The following ANK3 variants were observed in gnomAD, a reference collection of about 807,000 sequenced individuals.
ANK3 encodes ankyrin-3.
Under a neutral mutation model 370.9 loss-of-function variants are expected in ANK3, and 57 were observed. That is an observed-to-expected ratio of 0.15 (90% CI 0.12 to 0.19). ANK3 has a LOEUF of 0.19. ANK3 is among the 10% of genes least tolerant of loss of function. The probability of loss-of-function intolerance (pLI) is 1.00; values close to 1 mark genes in which losing one functional copy is unlikely to be tolerated. For synonymous variants in ANK3, 1,929 were observed against 1,946.3 expected (o/e 0.99, Z 0.23); for missense variants, 4,439 against 5,302.1 (o/e 0.84, Z 5.06).
At chr10:60,255,778 T>TA (rs1242727790) in intron 7 of ANK3, among the ~76,000 whole-genome samples, 1 of 152,170 alleles carries the variant, frequency 6.6e-6, no homozygotes, top group Non-Finnish European at 1.5e-5. Context: ...ATTGAGCACT[T>TA]AAAATGCTCT....
At chr10:60,063,366 C>CT (rs2080992431) in intron 39 of ANK3, 112 bp from the exon 40 acceptor site, 1 of 1,020,936 alleles carries the variant, frequency 9.8e-7, no homozygotes, top group South Asian at 1.8e-5. Context: ...TTAGCTCCTT[C>CT]TTACTCCATC....
At chr10:60,528,741 T>A (rs1398148478) in intron 2 of ANK3, among the ~76,000 whole-genome samples, 1 of 152,044 alleles carries the variant, frequency 6.6e-6, no homozygotes, top group Non-Finnish European at 1.5e-5. Context: ...TTCCTAGATG[T>A]CTGTAGCACC....
At position 60,028,589 on chromosome 10, in the gene ANK3, T is replaced by C. The variant is rs1306047558; in HGVS notation, c.*1257A>G. 1 of 152,620 alleles carries C rather than the reference T, an allele frequency of 6.6e-6. No homozygotes were observed. The highest frequency in any genetic ancestry group is 6.5e-5 in the Admixed American group (1 of 15,276). 9.5% of individuals were successfully genotyped at this position (152,620 alleles called of 1,614,324 possible). A position where few individuals can be genotyped will look rare whatever the true frequency, so the allele number is the denominator to read the frequency against. On this transcript the variant is annotated 3_prime_UTR_variant, in exon 44 of 44. Coordinates refer to ENST00000280772, the MANE Select transcript of ANK3 (RefSeq NM_020987.5). ...AATGCCCTTTAAAACACAGCAGCCT[T>C]ATTAACCTAATATGACACTGCTAGA... is the stretch of plus-strand genomic sequence containing the variant.
intron 1 of ANK3, among the ~76,000 whole-genome samples, chr10:60,332,999 A>T (rs1017671333): frequency 3.3e-5 from 5 of 152,216 alleles, no homozygotes; most frequent in Non-Finnish European, 5.9e-5. Flanking sequence ...GTACACATAT[A>T]TACCCTTTTC....
At chr10:60,581,456 G>A (rs964374744) in intron 2 of ANK3, among the ~76,000 whole-genome samples, 13 of 135,928 alleles carry the variant, frequency 9.6e-5, no homozygotes, top group East Asian at 8.5e-4. Flanking sequence ...ACAGAGTCTC[G>A]CTTTGTCGCC....
chr10:60,341,229 T>C (rs534475784), intron 1 of ANK3, among the ~76,000 whole-genome samples: 28 of 152,304 alleles, frequency 1.8e-4, no homozygotes, highest in African/African-American at 6.5e-4. Context: ...GTATAAAAAA[T>C]GAATCAAAGC....
intron 25 of ANK3, among the ~76,000 whole-genome samples, chr10:60,119,628 C>T (rs983036467): frequency 3.3e-5 from 5 of 151,906 alleles, no homozygotes; most frequent in East Asian, 1.9e-4. Flanking sequence ...GAAAACTAGA[C>T]GGGTGTGGTG....
intron 8 of ANK3, among the ~76,000 whole-genome samples, chr10:60,222,862 T>C (rs1392551854): frequency 6.6e-6 from 1 of 152,226 alleles, no homozygotes; most frequent in Admixed American, 6.5e-5. Context: ...AGCAGAGCAT[T>C]TCTTTGAAAT....
Position 60,072,653 on chromosome 10 carries a change from T to A in ANK3, c.8228A>T (p.Gln2743Leu), listed in dbSNP as rs747658844. Reference sequence around the variant, plus strand: ...TATTTTTTTAACTGGGATTCTGGACTGGCCATCTGACTTTCTGTCTTCTTG... The same window carrying A: ...TATTTTTTTAACTGGGATTCTGGACAGGCCATCTGACTTTCTGTCTTCTTG... ...MSQEDRKSDG[Q>L]SRIPVKKIQE... The change falls in exon 37 of 44, where the codon CAG becomes CTG. Residue 2743 changes from glutamine (Q) to leucine (L), a missense_variant. This residue lies in a region of ANK3 where 1,601 missense variants were observed against 1,731.7 expected (regional missense o/e 0.92). Transcript: ENST00000280772. 1.9e-6 allele frequency: 3 copies of A among 1,614,122 alleles called. No homozygotes were observed. Among genetic ancestry groups the A allele is most frequent in the Non-Finnish European group, 2.5e-6 (3 of 1,179,996 alleles).
intron 23 of ANK3, among the ~76,000 whole-genome samples, chr10:60,157,102 A>G (rs891305934): frequency 1.3e-5 from 2 of 149,542 alleles, no homozygotes; most frequent in Non-Finnish European, 3.0e-5. Context: ...CAGTGGCATG[A>G]TCTCGGCTCA....
intron 7 of ANK3, among the ~76,000 whole-genome samples, chr10:60,240,109 CAT>C (rs10539144): frequency 0.31 from 33,783 of 110,546 alleles, 5,845 homozygotes; most frequent in East Asian, 0.41. Flanking sequence ...CACATAAATA[CAT>C]ATATATACAC....
Position 60,706,426 on chromosome 10 carries a change from T to C in ANK3, c.57+26837A>G, listed in dbSNP as rs144978515. ...ATAACCTCCCCTCTGACCAGAGATATTACAACCCCACCATAAACTTCACCC... is the reference window on the plus strand; with the variant it reads ...ATAACCTCCCCTCTGACCAGAGATACTACAACCCCACCATAAACTTCACCC... On this transcript the variant is annotated intron_variant, in intron 1 of 43. Transcript: ENST00000373827. 6.5e-3 allele frequency among the ~76,000 whole-genome samples: 983 copies of C among 152,118 alleles called. 6 individuals carry two copies. The highest frequency in any genetic ancestry group is 0.012 in the Non-Finnish European group (787 of 67,984).
intron 2 of ANK3, among the ~76,000 whole-genome samples, chr10:60,604,390 A>C (rs1442034172): frequency 2.0e-5 from 3 of 152,168 alleles, no homozygotes; most frequent in African/African-American, 7.2e-5. Context: ...CAACAAATAA[A>C]GTTTCTCTGG....
At chr10:60,601,240 T>G (rs924727185) in intron 2 of ANK3, among the ~76,000 whole-genome samples, 6 of 151,350 alleles carry the variant, frequency 4.0e-5, no homozygotes, top group Admixed American at 3.3e-4. Context: ...AGGAAATGGA[T>G]CTTTAACTTC....
chr10:60,379,087 C>A (rs2061199221), intron 1 of ANK3, among the ~76,000 whole-genome samples: 1 of 151,744 alleles, frequency 6.6e-6, no homozygotes, highest in Non-Finnish European at 1.5e-5. Context: ...AAACATACGA[C>A]AAATATATGA....
chr10:60,246,983 T>G (rs1043076236), intron 7 of ANK3, among the ~76,000 whole-genome samples: 1 of 152,122 alleles, frequency 6.6e-6, no homozygotes, highest in Non-Finnish European at 1.5e-5. Flanking sequence ...TGATTAGATG[T>G]TACAGATGAC....
chr10:60,341,992 G>C (rs1198333803), intron 1 of ANK3, among the ~76,000 whole-genome samples: 2 of 152,170 alleles, frequency 1.3e-5, no homozygotes, highest in Non-Finnish European at 2.9e-5. Flanking sequence ...ACATTCATGA[G>C]AGGGAGTGGG....
At chr10:60,661,035 A>G (rs917820108) in intron 1 of ANK3, among the ~76,000 whole-genome samples, 2 of 152,134 alleles carry the variant, frequency 1.3e-5, no homozygotes, top group African/African-American at 4.8e-5. Context: ...GGAACCACCA[A>G]GAAAGGTTTC....
rs776065879 is a variant in ANK3, at chr10:60,084,731, A to G, written c.3945T>C (p.Val1315=). 1.2e-6 allele frequency: 2 copies of G among 1,613,660 alleles called. No individual in the cohort carries two copies. Among genetic ancestry groups the G allele is most frequent in the Admixed American group, 3.3e-5 (2 of 59,852 alleles). ...LICVPYMAKF[V]VFAKMNDPVE... is the part of the protein sequence containing the mutation. ...CGGGATCATTCATTTTGGCAAAAAC[A>G]ACAAACTTGGCCATATATGGAACAC... Residue 1315 remains valine (V), a synonymous_variant, in exon 32 of 44, where the codon GTT becomes GTC. Coordinates refer to ENST00000280772, the MANE Select transcript of ANK3 (RefSeq NM_020987.5).
Sources: allele counts gnomAD v4.1 joint callset (sites outside exome capture counted in the v4.1 genomes callset), GRCh38; gene constraint gnomAD v4.1.1; regional missense constraint gnomAD v4.1.1; transcripts MANE v1.5; gene names NCBI Gene and HGNC (gene_info 2026-07-23, HGNC 2026-07-21).